Variants in GLYATL1 observed in about 807,000 individuals in gnomAD.
GLYATL1 encodes glycine-N-acyltransferase like 1.
A neutral mutation model predicts 20.0 loss-of-function variants in GLYATL1; 15 were observed. The observed-to-expected ratio is 0.75, with a 90% confidence interval of 0.50 to 1.15. The LOEUF is 1.15. GLYATL1 is among the 50% of genes most tolerant of loss of function. The pLI is 0.00. For synonymous variants in GLYATL1, 151 were observed against 131.5 expected, an observed-to-expected ratio of 1.15 and a Z score of -1.01; for missense variants, 380 against 368.5, an observed-to-expected ratio of 1.03 and a Z score of -0.26.
At chr11:58,944,803 G>A (rs1183298159) in intron 2 of GLYATL1, among the ~76,000 whole-genome samples, 3 of 151,784 alleles carry the variant, frequency 2.0e-5, no homozygotes, top group Non-Finnish European at 4.4e-5. Context: ...TCTCTTTAGT[G>A]GACATTAAAC....
rs1159441047 is a variant in GLYATL1 at position 58,939,592 on chromosome 11, C to T, written c.-225C>T. 6.6e-6 allele frequency: 1 copy of T among 152,244 alleles called. No individual in the cohort carries two copies. Among genetic ancestry groups the T allele is most frequent in the East Asian group, 1.9e-4 (1 of 5,192 alleles). The allele number at this position is 152,244 out of a possible 1,614,324, so 9.4% of individuals were successfully genotyped here. On this transcript the variant is annotated 5_prime_UTR_variant, in exon 1 of 7. Transcript: ENST00000532726. Reference sequence around the variant, plus strand: ...TGGGGCCACCACAGCTGGCCCCAACCATGGTCCTGATTGCCTTGGAAGAAC... The same window carrying T: ...TGGGGCCACCACAGCTGGCCCCAACTATGGTCCTGATTGCCTTGGAAGAAC...
chr11:58,934,458 T>G (rs1855738974), intron 1 of GLYATL1: 1 of 152,506 alleles, frequency 6.6e-6, no homozygotes, highest in Non-Finnish European at 1.5e-5. Context: ...GACTGGTGCT[T>G]GTAGCCACAG....
chr11:58,953,542 G>T (rs570216053), intron 4 of GLYATL1, among the ~76,000 whole-genome samples: 6 of 151,412 alleles, frequency 4.0e-5, no homozygotes, highest in Admixed American at 3.9e-4. Context: ...ACTATGTCTT[G>T]TTCTCCATTT....
intron 3 of GLYATL1, 28 bp from the exon 4 acceptor site, chr11:58,947,830 C>T (rs1219543931): frequency 1.4e-6 from 2 of 1,477,072 alleles, no homozygotes; most frequent in African/African-American, 1.4e-5. Context: ...ATCTCAACCT[C>T]TCCTGGTCCC....
intron 1 of GLYATL1, among the ~76,000 whole-genome samples, chr11:58,914,531 C>T (rs1160688914): frequency 1.3e-5 from 2 of 151,898 alleles, no homozygotes; most frequent in South Asian, 2.1e-4. Context: ...TGTGCAGGCC[C>T]GGTGAGATAT....
At chr11:58,939,740 G>A (rs1342950427) in intron 1 of GLYATL1, 90 bp downstream of exon 1, 1 of 152,202 alleles carries the variant, frequency 6.6e-6, no homozygotes, top group East Asian at 1.9e-4. Context: ...GGTTGAATAA[G>A]CCCAACTGAC....
chr11:58,909,671 A>G (rs1854991932), downstream of GLYATL1, among the ~76,000 whole-genome samples: 1 of 152,216 alleles, frequency 6.6e-6, no homozygotes, highest in Non-Finnish European at 1.5e-5. Flanking sequence ...ATTTGATGGT[A>G]TATAAGGAGA....
Position 58,955,641 on chromosome 11 carries a change from G to T in GLYATL1, c.523G>T (p.Asp175Tyr). ...ETPNFKYAQL[D>Y]VSYSGLVNDN... ...TCCCAACTTTAAGTATGCCCAGCTGGATGTCTCTTATTCTGGGCTGGTAAA... is the reference window on the plus strand; with the variant it reads ...TCCCAACTTTAAGTATGCCCAGCTGTATGTCTCTTATTCTGGGCTGGTAAA... Residue 175 changes from aspartate to tyrosine, a missense_variant, in exon 7 of 7, where the codon GAT (aspartate) becomes TAT (tyrosine). Physicochemically the swap from Asp to Tyr is radical, Grantham distance 160. Transcript: ENST00000532726. 6.2e-7 allele frequency: 1 copy of T among 1,614,134 alleles called. No homozygotes were observed. The highest frequency in any genetic ancestry group is 8.5e-7 in the Non-Finnish European group (1 of 1,180,004).
chr11:58,911,083 C>T (rs1040568575), downstream of GLYATL1, among the ~76,000 whole-genome samples: 2 of 152,188 alleles, frequency 1.3e-5, no homozygotes, highest in African/African-American at 2.4e-5. Context: ...CTGAATTATA[C>T]CCTTTGAGCA....
chr11:58,947,367 C>G (rs1294367155), intron 3 of GLYATL1: 2 of 679,788 alleles, frequency 2.9e-6, no homozygotes, highest in Non-Finnish European at 4.8e-6. Context: ...GCAGGTTTTG[C>G]CACTCATTTG....
intron 1 of GLYATL1, 136 bp from the exon 2 acceptor site, chr11:58,943,407 A>G: frequency 6.5e-7 from 1 of 1,529,058 alleles, no homozygotes; most frequent in Non-Finnish European, 8.8e-7. Flanking sequence ...TTGTCTATAA[A>G]TTCATTTTGA....
chr11:58,937,995 T>C, upstream of GLYATL1, among the ~76,000 whole-genome samples: 1 of 152,164 alleles, frequency 6.6e-6, no homozygotes, highest in East Asian at 1.9e-4. Flanking sequence ...GGTGGCCAAA[T>C]CATTGCCACT....
chr11:58,911,042 T>C (rs926220545), downstream of GLYATL1, among the ~76,000 whole-genome samples: 2 of 152,200 alleles, frequency 1.3e-5, no homozygotes, highest in South Asian at 2.1e-4. Context: ...AGTGTTGCCT[T>C]TTCCAGAACA....
chr11:58,943,946 GTTTCT>G (rs796915674), intron 2 of GLYATL1, among the ~76,000 whole-genome samples: 11 of 118,566 alleles, frequency 9.3e-5, no homozygotes, highest in African/African-American at 3.5e-4. Flanking sequence ...CTACCCCTTT[GTTTCT>G]TTTCTTTTCT....
chr11:58,947,752 G>C, intron 3 of GLYATL1, 106 bp from the exon 4 acceptor site: 2 of 761,604 alleles, frequency 2.6e-6, no homozygotes, highest in African/African-American at 3.4e-5. Context: ...TCACTGACTT[G>C]GTCTCAGTAC....
At chr11:58,906,072 C>A (rs966116381) in intron 1 of GLYATL1, among the ~76,000 whole-genome samples, 2 of 152,172 alleles carry the variant, frequency 1.3e-5, no homozygotes, top group African/African-American at 4.8e-5. Flanking sequence ...GAGCAGCGGG[C>A]ACTAGCACGT....
chr11:58,932,548 A>T (rs191029610), intron 1 of GLYATL1, among the ~76,000 whole-genome samples: 1 of 152,360 alleles, frequency 6.6e-6, no homozygotes, highest in African/African-American at 2.4e-5. Flanking sequence ...ATTCAAAGAT[A>T]TTCATAGAAA....
intron 2 of GLYATL1, among the ~76,000 whole-genome samples, chr11:58,943,960 C>CT (rs59431757): frequency 5.5e-4 from 80 of 144,750 alleles, no homozygotes; most frequent in African/African-American, 1.3e-3. Flanking sequence ...CTTTTCTTTT[C>CT]TTTTTTTTTT....
At chr11:58,930,621 G>A (rs487309) in intron 1 of GLYATL1, among the ~76,000 whole-genome samples, 49,431 of 151,988 alleles carry the variant, frequency 0.33, 8,548 homozygotes, top group Non-Finnish European at 0.39. Context: ...CCCCCAAATT[G>A]TTTTATAATG....
Sources: allele counts gnomAD v4.1 joint callset (sites outside exome capture counted in the v4.1 genomes callset), GRCh38; gene constraint gnomAD v4.1.1; transcripts MANE v1.5; gene names NCBI Gene and HGNC (gene_info 2026-07-23, HGNC 2026-07-21).